The following GLG1 variants were observed in gnomAD, a reference collection of about 807,000 sequenced individuals.
The protein encoded by GLG1 is Golgi apparatus protein 1.
A neutral mutation model predicts 160.5 loss-of-function variants in GLG1; 38 were observed. That is an observed-to-expected ratio of 0.24 (90% CI 0.18 to 0.31). The LOEUF is 0.31. Ranked by LOEUF, GLG1 falls within the 10% of genes least tolerant of loss-of-function variation. The pLI, the probability that GLG1 is intolerant of heterozygous loss-of-function variation, is 1.00. For synonymous variants in GLG1, 644 were observed against 543.4 expected, an observed-to-expected ratio of 1.19 and a Z score of -2.57; for missense variants, 1,373 against 1,505.2, an observed-to-expected ratio of 0.91 and a Z score of 1.45.
intron 1 of GLG1, among the ~76,000 whole-genome samples, chr16:74,592,940 T>C (rs879941385): frequency 6.6e-5 from 10 of 152,200 alleles, no homozygotes; most frequent in Non-Finnish European, 1.3e-4. Context: ...AGCACTGGTC[T>C]CATGAATGGA....
intron 1 of GLG1, among the ~76,000 whole-genome samples, chr16:74,592,324 G>C (rs1371083050): frequency 6.6e-6 from 1 of 152,110 alleles, no homozygotes; most frequent in African/African-American, 2.4e-5. Context: ...TGTATTTTTA[G>C]TAGAGACAGG....
chr16:74,457,586 A>T (rs1199835098), intron 24 of GLG1, among the ~76,000 whole-genome samples: 2 of 152,118 alleles, frequency 1.3e-5, no homozygotes, highest in Non-Finnish European at 2.9e-5. Flanking sequence ...GACCATGATG[A>T]TGACTTTAAC....
At chr16:74,600,731 C>CAAAAAAAAA (rs56122377) in intron 1 of GLG1, among the ~76,000 whole-genome samples, 4 of 112,596 alleles carry the variant, frequency 3.6e-5, no homozygotes, top group Non-Finnish European at 5.4e-5. Context: ...GATTCCACCT[C>CAAAAAAAAA]AAAAAAAAAA....
chr16:74,545,494 G>A (rs756678737), intron 1 of GLG1, among the ~76,000 whole-genome samples: 1 of 152,114 alleles, frequency 6.6e-6, no homozygotes, highest in Non-Finnish European at 1.5e-5. Context: ...ACTCCACCAA[G>A]TTTTCGAAGC....
At chr16:74,566,032 C>T (rs1161442163) in intron 1 of GLG1, among the ~76,000 whole-genome samples, 4 of 152,304 alleles carry the variant, frequency 2.6e-5, no homozygotes, top group South Asian at 4.1e-4. Flanking sequence ...GTTTGTGTGA[C>T]GTTTTCCTCA....
intron 1 of GLG1, among the ~76,000 whole-genome samples, chr16:74,593,215 G>A (rs1958222609): frequency 6.6e-6 from 1 of 152,068 alleles, no homozygotes; most frequent in African/African-American, 2.4e-5. Flanking sequence ...AATGGACTCA[G>A]ACAATGGCAC....
chr16:74,572,119 C>T lies in GLG1; in HGVS notation c.438+34538G>A, dbSNP rs549193877. Among the ~76,000 whole-genome samples, 31 of 152,268 alleles carry T rather than the reference C, an allele frequency of 2.0e-4. No individual in the cohort carries two copies. In the South Asian group the frequency reaches 6.0e-3, roughly 30 times the overall value. ...CCAAGGCATGATTGGAGGGTTGGGA[C>T]TTTCAGGCCCACCCCCAATCTCCAG... On this transcript the variant is annotated intron_variant, in intron 1 of 25. Coordinates refer to ENST00000422840, the MANE Select transcript of GLG1 (RefSeq NM_001145667.2).
At chr16:74,553,338 G>A (rs1260777421) in intron 1 of GLG1, among the ~76,000 whole-genome samples, 3 of 151,950 alleles carry the variant, frequency 2.0e-5, no homozygotes, top group Non-Finnish European at 4.4e-5. Flanking sequence ...CTGGAATCAT[G>A]GGTGCACACC....
At chr16:74,491,254 T>G in intron 7 of GLG1, 39 bp from the exon 8 acceptor site, 1 of 1,381,002 alleles carries the variant, frequency 7.2e-7, no homozygotes, top group African/African-American at 1.4e-5. Context: ...CGAAGGGTGA[T>G]GCTATGTATT....
intron 10 of GLG1, among the ~76,000 whole-genome samples, chr16:74,482,576 T>C (rs1194542578): frequency 6.6e-6 from 1 of 152,172 alleles, no homozygotes; most frequent in Non-Finnish European, 1.5e-5. Flanking sequence ...AGTTGTCACT[T>C]ATTGACAAAA....
chr16:74,482,077 C>T (rs1180686710), intron 10 of GLG1, among the ~76,000 whole-genome samples: 2 of 152,012 alleles, frequency 1.3e-5, no homozygotes, highest in Non-Finnish European at 2.9e-5. Flanking sequence ...CGTGAGCCAC[C>T]GCGCCCGGTT....
At chr16:74,487,715 G>C (rs1041218899) in intron 8 of GLG1, among the ~76,000 whole-genome samples, 1 of 152,042 alleles carries the variant, frequency 6.6e-6, no homozygotes, top group Non-Finnish European at 1.5e-5. Flanking sequence ...TGCAAGAACT[G>C]TATCAGTTAA....
At chr16:74,574,675 G>C (rs2018934186) in intron 1 of GLG1, among the ~76,000 whole-genome samples, 1 of 151,456 alleles carries the variant, frequency 6.6e-6, no homozygotes, top group Non-Finnish European at 1.5e-5. Context: ...TTGAGGCCAG[G>C]AGTTTGAGAC....
intron 7 of GLG1, among the ~76,000 whole-genome samples, 197 bp downstream of exon 7, chr16:74,492,760 A>G (rs2016046417): frequency 6.6e-6 from 1 of 151,338 alleles, no homozygotes; most frequent in Non-Finnish European, 1.5e-5. Context: ...CGGAGCTTGC[A>G]GTGAGCCGAG....
chr16:74,476,766 C>G (rs971539006), intron 12 of GLG1, among the ~76,000 whole-genome samples: 10 of 152,090 alleles, frequency 6.6e-5, no homozygotes, highest in African/African-American at 2.4e-4. Context: ...GATGGAGAGG[C>G]TATATAATGA....
chr16:74,593,079 G>A (rs767176738), intron 1 of GLG1, among the ~76,000 whole-genome samples: 2 of 152,128 alleles, frequency 1.3e-5, no homozygotes, highest in Non-Finnish European at 2.9e-5. Flanking sequence ...ATGGGATGAT[G>A]CAGCAAGCTG....
At chr16:74,504,672 C>T (rs1340851954) in intron 3 of GLG1, among the ~76,000 whole-genome samples, 1 of 152,132 alleles carries the variant, frequency 6.6e-6, no homozygotes, top group Non-Finnish European at 1.5e-5. Flanking sequence ...CAAACTTAAC[C>T]GCTGTGGTCT....
intron 13 of GLG1, chr16:74,472,698 G>C (rs1567465206): frequency 1.2e-5 from 7 of 579,840 alleles, no homozygotes; most frequent in Non-Finnish European, 1.8e-5. Flanking sequence ...AATAACATTA[G>C]AGTATGCAAA....
chr16:74,579,012 C>T lies in GLG1; in HGVS notation c.438+27645G>A, dbSNP rs539108433. ...CATATGAATGGGTTGGAATCCTGAA[C>T]AACAAGGTTCAGGTTTGCCCTAGGA... On this transcript the variant is annotated intron_variant, in intron 1 of 25. Transcript: ENST00000422840. Among the ~76,000 whole-genome samples, 10 of 152,264 alleles carry T rather than the reference C, an allele frequency of 6.6e-5. No homozygotes were observed. In the East Asian group the frequency reaches 1.9e-3, roughly 29 times the overall value.
Sources: allele counts gnomAD v4.1 joint callset (sites outside exome capture counted in the v4.1 genomes callset), GRCh38; gene constraint gnomAD v4.1.1; transcripts MANE v1.5; gene names NCBI Gene and HGNC (gene_info 2026-07-23, HGNC 2026-07-21).